Variants in LINGO1 observed in about 807,000 individuals in gnomAD.
The protein encoded by LINGO1 is leucine-rich repeat and immunoglobulin-like domain-containing nogo receptor-interacting protein 1.
A neutral mutation model predicts 37.3 loss-of-function variants in LINGO1; 11 were observed. That is an observed-to-expected ratio of 0.29 (90% CI 0.19 to 0.49). LINGO1 has a LOEUF of 0.49. Among genes scored for constraint, LINGO1 ranks in the 20% least tolerant of loss-of-function variants. The probability of loss-of-function intolerance (pLI) is 0.99; values close to 1 mark genes in which losing one functional copy is unlikely to be tolerated. For synonymous variants in LINGO1, 387 were observed against 403.0 expected (o/e 0.96, Z 0.48); for missense variants, 585 against 878.2 (o/e 0.67, Z 4.22).
At chr15:77,682,351 C>A (rs2075431636) in intron 2 of LINGO1, among the ~76,000 whole-genome samples, 1 of 149,646 alleles carries the variant, frequency 6.7e-6, no homozygotes, top group Non-Finnish European at 1.5e-5. Context: ...AGAGAATAGG[C>A]ACTTCACAAA....
chr15:77,645,310 C>A (rs28515899), intron 3 of LINGO1, among the ~76,000 whole-genome samples: 1 of 152,076 alleles, frequency 6.6e-6, no homozygotes, highest in African/African-American at 2.4e-5. Context: ...GCTGGGACAG[C>A]AGGCCCCAGG....
chr15:77,634,520 G>A (rs978383941), upstream of LINGO1, among the ~76,000 whole-genome samples: 1 of 152,216 alleles, frequency 6.6e-6, no homozygotes, highest in African/African-American at 2.4e-5. Flanking sequence ...GGGAAGCCCA[G>A]GCCCAGAGAG....
intron 1 of LINGO1, among the ~76,000 whole-genome samples, chr15:77,749,703 C>A (rs2076351878): frequency 6.6e-6 from 1 of 152,252 alleles, no homozygotes; most frequent in Non-Finnish European, 1.5e-5. Context: ...CCCTCCAACC[C>A]AACTCAGCCC....
At chr15:77,700,079 G>T (rs977879858), upstream of LINGO1, among the ~76,000 whole-genome samples, 2 of 152,160 alleles carry the variant, frequency 1.3e-5, no homozygotes, top group African/African-American at 4.8e-5. Flanking sequence ...TCAGGAGGTG[G>T]CTGGGGAACC....
At chr15:77,752,571 C>T (rs887426222) in intron 1 of LINGO1, among the ~76,000 whole-genome samples, 2 of 152,206 alleles carry the variant, frequency 1.3e-5, no homozygotes, top group African/African-American at 2.4e-5. Flanking sequence ...GGAAAGATTA[C>T]AGGTTGGGCA....
intron 1 of LINGO1, among the ~76,000 whole-genome samples, chr15:77,691,909 C>T (rs1199744670): frequency 6.6e-6 from 1 of 152,126 alleles, no homozygotes; most frequent in Non-Finnish European, 1.5e-5. Context: ...CCATCTGTCA[C>T]CCCCACCCAC....
intron 1 of LINGO1, among the ~76,000 whole-genome samples, chr15:77,802,176 G>A (rs2141464706): frequency 6.6e-6 from 1 of 152,232 alleles, no homozygotes; most frequent in African/African-American, 2.4e-5. Flanking sequence ...GGTATGTGGT[G>A]CTTACAGATA....
intron 1 of LINGO1, among the ~76,000 whole-genome samples, chr15:77,813,558 G>A (rs1445879438): frequency 1.3e-5 from 2 of 151,752 alleles, no homozygotes; most frequent in African/African-American, 2.4e-5. Context: ...GCCCCAAGAG[G>A]GCAGAGGCTG....
intron 2 of LINGO1, among the ~76,000 whole-genome samples, chr15:77,719,468 G>A (rs1272325297): frequency 1.3e-5 from 2 of 149,628 alleles, no homozygotes; most frequent in African/African-American, 2.4e-5. Flanking sequence ...AAACCCAAAC[G>A]CCTCCCAGGT....
chr15:77,749,152 C>T (rs2076346319), intron 1 of LINGO1, among the ~76,000 whole-genome samples: 1 of 152,032 alleles, frequency 6.6e-6, no homozygotes, highest in Admixed American at 6.5e-5. Flanking sequence ...AGGTGATCCG[C>T]CTGCCTCGGC....
intron 1 of LINGO1, among the ~76,000 whole-genome samples, chr15:77,813,835 G>T (rs6495250): frequency 0.92 from 139,595 of 152,226 alleles, 64,164 homozygotes; most frequent in Non-Finnish European, 0.95. Context: ...AAGACAGTGA[G>T]CTGTCTAAGG....
chr15:77,816,241 C>T (rs2077047058), intron 1 of LINGO1, among the ~76,000 whole-genome samples: 1 of 152,210 alleles, frequency 6.6e-6, no homozygotes, highest in Admixed American at 6.5e-5. Flanking sequence ...CCAGGCTCAT[C>T]ACTGGTATCC....
At chr15:77,632,936 G>A (rs1315968705), upstream of LINGO1, among the ~76,000 whole-genome samples, 1 of 150,626 alleles carries the variant, frequency 6.6e-6, no homozygotes, top group African/African-American at 2.5e-5. The surrounding 1 kb of genome is among the most constrained non-coding windows in gnomAD (Gnocchi z 6.0). Flanking sequence ...GGAGGGAGGA[G>A]GGATCGAGGG....
At chr15:77,759,607 C>T (rs532326790) in intron 1 of LINGO1, among the ~76,000 whole-genome samples, 4 of 152,356 alleles carry the variant, frequency 2.6e-5, no homozygotes, top group Admixed American at 2.6e-4. Flanking sequence ...CCTCGATGCC[C>T]CTTCCCCTAA....
intron 2 of LINGO1, among the ~76,000 whole-genome samples, chr15:77,733,311 G>A (rs1022650406): frequency 9.2e-5 from 14 of 152,224 alleles, no homozygotes; most frequent in African/African-American, 3.4e-4. Flanking sequence ...CAGGAAGGAC[G>A]GACGTGCCCC....
intron 2 of LINGO1, among the ~76,000 whole-genome samples, chr15:77,689,417 C>T (rs1304210235): frequency 6.6e-6 from 1 of 152,208 alleles, no homozygotes; most frequent in South Asian, 2.1e-4. Flanking sequence ...CCTCTATGGC[C>T]GGTGCGCTAC....
intron 3 of LINGO1, among the ~76,000 whole-genome samples, chr15:77,643,307 A>G (rs2074550917): frequency 6.6e-6 from 1 of 152,116 alleles, no homozygotes; most frequent in Non-Finnish European, 1.5e-5. Context: ...TGTCCACAGG[A>G]TCAGGGGAGA....
Position 77,704,176 on chromosome 15 carries a change from T to C in LINGO1, c.-194-13275A>G, listed in dbSNP as rs1480594680. Among the ~76,000 whole-genome samples, 4 of 152,158 alleles carry C rather than the reference T, an allele frequency of 2.6e-5. No individual in the cohort carries two copies. In the East Asian group the frequency reaches 7.7e-4, roughly 29 times the overall value. ...GAAGGATCTGCAGAAGCTACGACCA[T>C]TCAAGCTTCTGCTCATCAGGGCTCA... is the stretch of plus-strand genomic sequence containing the variant. On this transcript the variant is annotated intron_variant, in intron 2 of 3. Transcript: ENST00000561686.
At chr15:77,770,540 A>G (rs2076574337) in intron 1 of LINGO1, among the ~76,000 whole-genome samples, 1 of 147,206 alleles carries the variant, frequency 6.8e-6, no homozygotes, top group Non-Finnish European at 1.5e-5. Flanking sequence ...TGAGCAGAAG[A>G]TCGTGCCATT....
Sources: allele counts gnomAD v4.1 joint callset (sites outside exome capture counted in the v4.1 genomes callset), GRCh38; gene constraint gnomAD v4.1.1; non-coding constraint Gnocchi (gnomAD v3.1); transcripts MANE v1.5; gene names NCBI Gene and HGNC (gene_info 2026-07-23, HGNC 2026-07-21).